NKAIN3: variants seen among roughly 807,000 people sequenced by gnomAD.
NKAIN3 encodes sodium/potassium transporting ATPase interacting 3.
Under a neutral mutation model 30.2 loss-of-function variants are expected in NKAIN3, and 25 were observed. The ratio of observed to expected loss-of-function variants is 0.83; its 90% CI spans 0.60 to 1.16. The LOEUF is 1.16. Among genes scored for constraint, NKAIN3 ranks in the 50% most tolerant of loss-of-function variants. The pLI is 0.00. For synonymous variants in NKAIN3, 91 were observed against 89.6 expected (o/e 1.02, Z -0.09); for missense variants, 225 against 254.1 (o/e 0.89, Z 0.78).
intron 4 of NKAIN3, among the ~76,000 whole-genome samples, chr8:62,814,411 AAATCAACAG>A (rs1320040798): frequency 6.6e-6 from 1 of 152,018 alleles, no homozygotes. Flanking sequence ...TCTCCACCCC[AAATCAACAG>A]AATATACATT....
intron 4 of NKAIN3, among the ~76,000 whole-genome samples, chr8:62,753,824 A>G (rs1462410299): frequency 6.6e-6 from 1 of 152,148 alleles, no homozygotes; most frequent in African/African-American, 2.4e-5. Context: ...TGTTCATTTC[A>G]GTGTTATTTA....
intron 1 of NKAIN3, among the ~76,000 whole-genome samples, chr8:62,345,505 A>G (rs1216416632): frequency 4.2e-4 from 8 of 19,132 alleles, no homozygotes; most frequent in Non-Finnish European, 9.1e-4. Flanking sequence ...ACATATATAC[A>G]CATATATACA....
intron 1 of NKAIN3, among the ~76,000 whole-genome samples, chr8:62,427,339 A>T (rs2129597230): frequency 6.6e-6 from 1 of 152,118 alleles, no homozygotes; most frequent in East Asian, 1.9e-4. Flanking sequence ...AGAGTAGCTG[A>T]GATCCTCTGC....
At chr8:62,752,147 A>T (rs540352352) in intron 4 of NKAIN3, among the ~76,000 whole-genome samples, 1 of 152,328 alleles carries the variant, frequency 6.6e-6, no homozygotes, top group East Asian at 1.9e-4. Context: ...GAGTGAATGC[A>T]TGGACAAGAT....
At chr8:62,596,480 C>T (rs1009114991) in intron 3 of NKAIN3, among the ~76,000 whole-genome samples, 3 of 152,046 alleles carry the variant, frequency 2.0e-5, no homozygotes, top group Non-Finnish European at 4.4e-5. Context: ...TGATGTTTGA[C>T]AGGTGTTCCC....
intron 1 of NKAIN3, among the ~76,000 whole-genome samples, chr8:62,551,855 CT>C (rs1585936794): frequency 6.6e-6 from 1 of 152,298 alleles, no homozygotes; most frequent in East Asian, 1.9e-4. Flanking sequence ...TATCCTGCTT[CT>C]TTGGCTTGAT....
intron 1 of NKAIN3, among the ~76,000 whole-genome samples, chr8:62,255,931 T>A (rs1585601975): frequency 6.6e-6 from 1 of 152,174 alleles, no homozygotes; most frequent in East Asian, 1.9e-4. Context: ...GAAAGCTCCT[T>A]GCATGATTCT....
At chr8:62,327,295 T>C (rs1815175482) in intron 1 of NKAIN3, among the ~76,000 whole-genome samples, 1 of 152,056 alleles carries the variant, frequency 6.6e-6, no homozygotes, top group Non-Finnish European at 1.5e-5. Flanking sequence ...TATAGTTCTT[T>C]GATACACAAA....
chr8:62,535,966 A>G (rs1204236132), intron 1 of NKAIN3, among the ~76,000 whole-genome samples: 1 of 152,166 alleles, frequency 6.6e-6, no homozygotes, highest in East Asian at 1.9e-4. Flanking sequence ...AAAGACTGTA[A>G]CAAGGGCTAT....
At chr8:62,880,756 A>C (rs991960909) in intron 4 of NKAIN3, among the ~76,000 whole-genome samples, 1 of 152,200 alleles carries the variant, frequency 6.6e-6, no homozygotes, top group South Asian at 2.1e-4. Flanking sequence ...ATTCCACATA[A>C]CTTTATCCTA....
At chr8:62,887,967 G>A (rs2168318) in intron 4 of NKAIN3, among the ~76,000 whole-genome samples, 46,257 of 152,008 alleles carry the variant, frequency 0.3, 7,791 homozygotes, top group East Asian at 0.64. Context: ...ATAGCTGGAC[G>A]TAAGTGCAGA....
At chr8:62,654,125 A>G (rs1812701052) in intron 3 of NKAIN3, among the ~76,000 whole-genome samples, 1 of 151,944 alleles carries the variant, frequency 6.6e-6, no homozygotes, top group Non-Finnish European at 1.5e-5. Flanking sequence ...AAATAAGAGA[A>G]TATTTTGTAA....
intron 4 of NKAIN3, among the ~76,000 whole-genome samples, chr8:62,897,014 G>GT (rs1821447879): frequency 7.1e-6 from 1 of 140,618 alleles, no homozygotes; most frequent in African/African-American, 2.8e-5. Flanking sequence ...TTATATTTTT[G>GT]TAAGATAAGG....
intron 3 of NKAIN3, among the ~76,000 whole-genome samples, chr8:62,645,569 C>T (rs11984714): frequency 6.6e-6 from 1 of 152,068 alleles, no homozygotes; most frequent in Non-Finnish European, 1.5e-5. Context: ...AATCCTTCCC[C>T]TTTTAAAATC....
chr8:62,765,176 G>A (rs1816791889), intron 4 of NKAIN3, among the ~76,000 whole-genome samples: 1 of 150,862 alleles, frequency 6.6e-6, no homozygotes, highest in Non-Finnish European at 1.5e-5. Context: ...GAACCCGGGA[G>A]GCGGAGGTTG....
chr8:62,397,594 A>C (rs1486078621), intron 1 of NKAIN3, among the ~76,000 whole-genome samples: 2 of 152,182 alleles, frequency 1.3e-5, no homozygotes, highest in South Asian at 4.1e-4. Flanking sequence ...ACTCCCAATT[A>C]GTTCTCTATC....
chr8:62,472,937 CAA>C (rs1806400706), intron 1 of NKAIN3, among the ~76,000 whole-genome samples: 1 of 152,136 alleles, frequency 6.6e-6, no homozygotes, highest in Admixed American at 6.5e-5. Flanking sequence ...TGCACCAACA[CAA>C]ACTCTTCTGT....
intron 1 of NKAIN3, among the ~76,000 whole-genome samples, chr8:62,277,563 T>G (rs183837672): frequency 6.6e-6 from 1 of 152,128 alleles, no homozygotes; most frequent in Non-Finnish European, 1.5e-5. Flanking sequence ...GTATGAAAAT[T>G]TATCATCTTC....
chr8:62,259,658 T>C (rs1394041803), intron 1 of NKAIN3, among the ~76,000 whole-genome samples: 1 of 152,206 alleles, frequency 6.6e-6, no homozygotes, highest in Non-Finnish European at 1.5e-5. Flanking sequence ...TGCCCTGTAA[T>C]GGAACATTCT....
Sources: allele counts gnomAD v4.1 joint callset (sites outside exome capture counted in the v4.1 genomes callset), GRCh38; gene constraint gnomAD v4.1.1; transcripts MANE v1.5; gene names NCBI Gene and HGNC (gene_info 2026-07-23, HGNC 2026-07-21).